MMP16: variants seen among roughly 807,000 people sequenced by gnomAD.
The protein encoded by MMP16 is matrix metalloproteinase-16.
Under a neutral mutation model 67.8 loss-of-function variants are expected in MMP16, and 12 were observed. That is an observed-to-expected ratio of 0.18 (90% CI 0.11 to 0.29). The LOEUF (loss-of-function observed/expected upper bound fraction) is 0.29, where lower values mean the gene tolerates loss of function less well. Among genes scored for constraint, MMP16 ranks in the 10% least tolerant of loss-of-function variants. The pLI is 1.00. For missense variants in MMP16, 475 were observed against 765.7 expected, an observed-to-expected ratio of 0.62 and a Z score of 4.48; for synonymous variants, 249 against 255.9, an observed-to-expected ratio of 0.97 and a Z score of 0.26.
chr8:88,257,358 A>G (rs901627572), intron 1 of MMP16, among the ~76,000 whole-genome samples: 2 of 152,232 alleles, frequency 1.3e-5, no homozygotes, highest in African/African-American at 4.8e-5. Flanking sequence ...GTAACCTTCC[A>G]GCAGTTGGGA....
chr8:88,326,034 T>C (rs1388799310), intron 1 of MMP16, among the ~76,000 whole-genome samples: 2 of 152,336 alleles, frequency 1.3e-5, no homozygotes, highest in East Asian at 3.9e-4. Flanking sequence ...CTTCATAATA[T>C]CAACAATATA....
chr8:88,255,179 T>A (rs1168638300), intron 1 of MMP16, among the ~76,000 whole-genome samples: 4 of 152,122 alleles, frequency 2.6e-5, no homozygotes, highest in African/African-American at 9.7e-5. Flanking sequence ...GCCCTCCCCA[T>A]GGTAATGAGT....
At chr8:88,137,959 G>C (rs1167051289) in intron 4 of MMP16, among the ~76,000 whole-genome samples, 1 of 151,790 alleles carries the variant, frequency 6.6e-6, no homozygotes, top group African/African-American at 2.4e-5. Context: ...TAGTTCTAGG[G>C]TTTCTATTTG....
At chr8:88,086,259 C>G (rs191621858) in intron 6 of MMP16, among the ~76,000 whole-genome samples, 3 of 151,868 alleles carry the variant, frequency 2.0e-5, no homozygotes, top group Admixed American at 1.3e-4. Flanking sequence ...AGTTTACCAT[C>G]GATGTACTGC....
intron 8 of MMP16, among the ~76,000 whole-genome samples, chr8:88,054,127 C>A (rs1254743141): frequency 6.6e-6 from 1 of 152,086 alleles, no homozygotes; most frequent in Non-Finnish European, 1.5e-5. Context: ...GTAATCCCTA[C>A]ATTTGTGGGA....
intron 1 of MMP16, among the ~76,000 whole-genome samples, chr8:88,232,988 C>G (rs1488813708): frequency 3.3e-5 from 5 of 152,174 alleles, no homozygotes; most frequent in Admixed American, 3.3e-4. Flanking sequence ...GGGGATCAAG[C>G]TTTGAACTCT....
chr8:88,134,737 C>T (rs956069097), intron 4 of MMP16, among the ~76,000 whole-genome samples: 1 of 151,524 alleles, frequency 6.6e-6, no homozygotes, highest in Non-Finnish European at 1.5e-5. Flanking sequence ...TTGTACCCAT[C>T]CCTTATTTTT....
intron 1 of MMP16, among the ~76,000 whole-genome samples, chr8:88,294,447 C>CACATATAT (rs1158565034): frequency 6.6e-6 from 1 of 150,894 alleles, no homozygotes; most frequent in Non-Finnish European, 1.5e-5. Flanking sequence ...TGTCTATATA[C>CACATATAT]ACACATATGC....
chr8:88,323,786 CAAAAA>C (rs964379747), intron 1 of MMP16, among the ~76,000 whole-genome samples: 2 of 133,490 alleles, frequency 1.5e-5, no homozygotes, highest in Admixed American at 7.5e-5. Flanking sequence ...CACAGCATAC[CAAAAA>C]AAAAAGCCAC....
In MMP16 at chr8:88,327,364, C is replaced by T. The variant is rs2130242203; in HGVS notation, c.-158G>A. The T allele has an allele frequency of 1.2e-6, 1 of 840,622 alleles. No individual in the cohort carries two copies. The highest frequency in any genetic ancestry group is 1.8e-6 in the Non-Finnish European group (1 of 552,410). The allele number at this position is 840,622 out of a possible 1,614,324, so 52.1% of individuals were successfully genotyped here. On this transcript the variant is annotated 5_prime_UTR_variant, in exon 1 of 10. Transcript: ENST00000286614. ...GGGCAAGGGGAGGAGACAGGGGCCCCGCGCTCGGCAGCCCCCGAGAGGCAG... is the reference window on the plus strand; with the variant it reads ...GGGCAAGGGGAGGAGACAGGGGCCCTGCGCTCGGCAGCCCCCGAGAGGCAG...
rs76046207 is a variant in MMP16, at chr8:88,102,091, T to C, written c.1083+14416A>G. On this transcript the variant is annotated intron_variant, in intron 6 of 9. Coordinates refer to ENST00000286614, the MANE Select transcript of MMP16 (RefSeq NM_005941.5). Reference sequence around the variant, plus strand: ...AACACAACAGTCAACATGGACTGTGTTTTCTGTGACCCCAAAATATGTGGA... The same window carrying C: ...AACACAACAGTCAACATGGACTGTGCTTTCTGTGACCCCAAAATATGTGGA... 7.3e-3 allele frequency among the ~76,000 whole-genome samples: 1,115 copies of C among 151,964 alleles called. 20 individuals carry two copies. Among genetic ancestry groups the C allele is most frequent in the African/African-American group, 0.026 (1,061 of 41,514 alleles).
At chr8:88,046,818 A>G (rs1808205054) in intron 8 of MMP16, 34 bp from the exon 9 acceptor site, 5 of 1,322,654 alleles carry the variant, frequency 3.8e-6, no homozygotes, top group Non-Finnish European at 5.3e-6. Context: ...AACAAACACA[A>G]TAACACACAT....
intron 4 of MMP16, among the ~76,000 whole-genome samples, chr8:88,161,685 A>G (rs1808626442): frequency 6.6e-6 from 1 of 152,026 alleles, no homozygotes; most frequent in Admixed American, 6.6e-5. Context: ...TCTCGTGGGC[A>G]TGTAGTGCTA....
At chr8:88,162,580 C>T (rs900816312) in intron 4 of MMP16, among the ~76,000 whole-genome samples, 1 of 152,034 alleles carries the variant, frequency 6.6e-6, no homozygotes, top group African/African-American at 2.4e-5. Flanking sequence ...ACAGTATTCC[C>T]ACAGTTGGTG....
At chr8:88,162,404 G>C (rs1482133469) in intron 4 of MMP16, among the ~76,000 whole-genome samples, 1 of 152,004 alleles carries the variant, frequency 6.6e-6, no homozygotes, top group Non-Finnish European at 1.5e-5. Flanking sequence ...ATTATTGAGA[G>C]AGTTCGTTCT....
intron 1 of MMP16, among the ~76,000 whole-genome samples, chr8:88,280,000 G>T: frequency 6.6e-6 from 1 of 152,034 alleles, no homozygotes. Context: ...GAACCCCAGT[G>T]GTTCAGAATT....
At chr8:88,118,924 C>A in intron 4 of MMP16, 63 bp from the exon 5 acceptor site, 1 of 1,483,410 alleles carries the variant, frequency 6.7e-7, no homozygotes, top group South Asian at 1.2e-5. Flanking sequence ...TTGAAAAGGA[C>A]AATTTGGTAT....
chr8:88,179,614 A>G (rs28527305), intron 3 of MMP16, among the ~76,000 whole-genome samples: 108,220 of 152,090 alleles, frequency 0.71, 41,264 homozygotes, highest in Non-Finnish European at 0.88. Flanking sequence ...AATAATAACA[A>G]AAATAATGTA....
At chr8:88,244,479 ATTCCT>A (rs1298513036) in intron 1 of MMP16, among the ~76,000 whole-genome samples, 17 of 152,294 alleles carry the variant, frequency 1.1e-4, no homozygotes, top group African/African-American at 3.8e-4. Flanking sequence ...GTGGTACATC[ATTCCT>A]TTCCTTCATA....
Sources: gnomAD v4.1 joint callset for allele counts (sites outside exome capture counted in the v4.1 genomes callset) on GRCh38, gnomAD v4.1.1 for gene constraint, MANE v1.5 for transcripts, NCBI Gene and HGNC (gene_info 2026-07-23, HGNC 2026-07-21) for gene names.